DPH6: variants seen among roughly 807,000 people sequenced by gnomAD.
DPH6 encodes diphthine--ammonia ligase.
Under a neutral mutation model 38.2 loss-of-function variants are expected in DPH6, and 33 were observed. The ratio of observed to expected loss-of-function variants is 0.86; its 90% CI spans 0.65 to 1.15. DPH6 has a LOEUF of 1.15. Ranked by LOEUF, DPH6 falls within the 50% of genes most tolerant of loss-of-function variation. The pLI is 0.00. For missense variants in DPH6, 325 were observed against 320.0 expected (o/e 1.02, Z -0.12); for synonymous variants, 108 against 103.0 (o/e 1.05, Z -0.30).
intron 3 of DPH6, among the ~76,000 whole-genome samples, chr15:35,225,660 A>G (rs968915726): frequency 7.2e-5 from 11 of 152,168 alleles, no homozygotes; most frequent in African/African-American, 2.7e-4. Context: ...CATTTCTTCA[A>G]AAAGTCCAGA....
chr15:35,415,188 C>A (rs750957754), intron 5 of DPH6, among the ~76,000 whole-genome samples: 1 of 151,904 alleles, frequency 6.6e-6, no homozygotes, highest in African/African-American at 2.4e-5. Flanking sequence ...ATGTTAAAAT[C>A]CAAAGCATGA....
chr15:35,316,059 G>A (rs192629666), intron 3 of DPH6, among the ~76,000 whole-genome samples: 4 of 152,114 alleles, frequency 2.6e-5, no homozygotes, highest in Non-Finnish European at 4.4e-5. Context: ...AGGGAACTAT[G>A]AAGATAAATT....
intron 3 of DPH6, among the ~76,000 whole-genome samples, chr15:35,347,726 C>T (rs1595492333): frequency 6.6e-6 from 1 of 151,702 alleles, no homozygotes; most frequent in Non-Finnish European, 1.5e-5. Context: ...TGGCTGTATT[C>T]CATATTGGTG....
the DPH6 span, among the ~76,000 whole-genome samples, chr15:35,184,950 G>T: frequency 6.6e-6 from 1 of 152,056 alleles, no homozygotes; most frequent in African/African-American, 2.4e-5. Context: ...TTTTCCATTG[G>T]AACTATGGCA....
At chr15:35,520,489 T>TA in intron 3 of DPH6, 3 of 984,340 alleles carry the variant, frequency 3.0e-6, no homozygotes, top group Non-Finnish European at 3.6e-6. Context: ...TAATTCCTGT[T>TA]ACAATTCTTT....
chr15:35,342,020 G>A (rs967161169), intron 3 of DPH6, among the ~76,000 whole-genome samples: 13 of 152,270 alleles, frequency 8.5e-5, no homozygotes, highest in South Asian at 2.1e-4. Flanking sequence ...ACAGGAACTC[G>A]GTCCCATCTC....
In DPH6 at chr15:35,511,810, G is replaced by C. The variant is rs2054776923; in HGVS notation, c.312+26464C>G. On this transcript the variant is annotated intron_variant, in intron 3 of 8. Coordinates refer to ENST00000256538, the MANE Select transcript of DPH6 (RefSeq NM_080650.4). ...GAAACTAAAATGACCAAAAGAGAAA[G>C]GTATCATAATTCCAAGATGGTGATA... Among the ~76,000 whole-genome samples the C allele has an allele frequency of 2.0e-5, 3 of 151,778 alleles. No homozygotes were observed. In the South Asian group the frequency reaches 6.2e-4, roughly 32 times the overall value.
At chr15:35,261,966 A>G (rs1246373074) in intron 3 of DPH6, among the ~76,000 whole-genome samples, 3 of 152,218 alleles carry the variant, frequency 2.0e-5, no homozygotes, top group Non-Finnish European at 4.4e-5. Flanking sequence ...TACTACATAT[A>G]TAGCATCTAT....
At chr15:35,489,957 A>G in intron 3 of DPH6, 1 of 982,504 alleles carries the variant, frequency 1.0e-6, no homozygotes, top group Admixed American at 6.1e-5. Flanking sequence ...TTTAACAAAC[A>G]GCTAAACAAA....
At chr15:35,165,812 C>T in the DPH6 span, among the ~76,000 whole-genome samples, 4 of 151,836 alleles carry the variant, frequency 2.6e-5, no homozygotes, top group Non-Finnish European at 4.4e-5. Context: ...CGAAATTTCA[C>T]GACGGCAATT....
chr15:35,369,113 T>C (rs1338652496), downstream of DPH6, among the ~76,000 whole-genome samples: 1 of 151,800 alleles, frequency 6.6e-6, no homozygotes, highest in Non-Finnish European at 1.5e-5. Flanking sequence ...CAGAGGCATA[T>C]GACCATTATA....
chr15:35,228,341 C>T lies in DPH6; in HGVS notation n.201-7759G>A, dbSNP rs554500552. 5.9e-5 allele frequency among the ~76,000 whole-genome samples: 9 copies of T among 152,308 alleles called. No individual in the cohort carries two copies. In the South Asian group the frequency reaches 6.2e-4, roughly 11 times the overall value. On this transcript the variant is annotated intron_variant and non_coding_transcript_variant, in intron 3 of 3. Coordinates refer to the DPH6 transcript ENST00000560386. ...ATTGGTTCATTGTTTAGTCTTTCTA[C>T]GTAGGATACGAGTAGTTTATACACT...
intron 3 of DPH6, chr15:35,489,715 A>G (rs2054451298): frequency 1.0e-6 from 1 of 978,824 alleles, no homozygotes; most frequent in African/African-American, 1.8e-5. Context: ...AAGGTTAGAT[A>G]TTAAACCATT....
At chr15:35,488,821 G>C (rs1225961115) in intron 3 of DPH6, among the ~76,000 whole-genome samples, 1 of 151,790 alleles carries the variant, frequency 6.6e-6, no homozygotes, top group Non-Finnish European at 1.5e-5. Context: ...AAATATGACT[G>C]AGAGATAAAG....
At chr15:35,370,394 T>G (rs931419086), downstream of DPH6, among the ~76,000 whole-genome samples, 2 of 151,634 alleles carry the variant, frequency 1.3e-5, no homozygotes, top group African/African-American at 2.4e-5. Flanking sequence ...GTTAAGAGAA[T>G]GAAAAGACAA....
intron 3 of DPH6, among the ~76,000 whole-genome samples, chr15:35,526,725 C>T (rs2055008820): frequency 1.3e-5 from 2 of 152,060 alleles, no homozygotes; most frequent in South Asian, 2.1e-4. Flanking sequence ...TGAGTTCATA[C>T]AAAATATACT....
At chr15:35,336,659 T>C (rs1321280170) in intron 3 of DPH6, among the ~76,000 whole-genome samples, 1 of 152,078 alleles carries the variant, frequency 6.6e-6, no homozygotes, top group African/African-American at 2.4e-5. Context: ...GCATGAAGAG[T>C]TGTTGAATTT....
At chr15:35,455,685 GA>G (rs1338347102) in intron 3 of DPH6, among the ~76,000 whole-genome samples, 1 of 152,108 alleles carries the variant, frequency 6.6e-6, no homozygotes, top group Non-Finnish European at 1.5e-5. Flanking sequence ...GTAAACTAGG[GA>G]ACTGTTATCT....
intron 3 of DPH6, among the ~76,000 whole-genome samples, chr15:35,362,736 C>A (rs564931966): frequency 6.6e-6 from 1 of 152,286 alleles, no homozygotes; most frequent in South Asian, 2.1e-4. Flanking sequence ...TCTGATCACA[C>A]CAAGTTGTGC....
Sources: allele counts gnomAD v4.1 joint callset (sites outside exome capture counted in the v4.1 genomes callset), GRCh38; gene constraint gnomAD v4.1.1; transcripts MANE v1.5; gene names NCBI Gene and HGNC (gene_info 2026-07-23, HGNC 2026-07-21).